The following ACACA variants were observed in gnomAD, a reference collection of about 807,000 sequenced individuals.
ACACA encodes acetyl-CoA carboxylase alpha.
In ACACA, 103 loss-of-function variants were observed where a neutral mutation model predicts 296.1. The observed-to-expected ratio is 0.35, with a 90% CI of 0.30 to 0.41. ACACA has a LOEUF of 0.41. ACACA is among the 10% of genes least tolerant of loss of function. ACACA has a pLI of 1.00. For synonymous variants in ACACA, 953 were observed against 1,038.6 expected, an observed-to-expected ratio of 0.92 and a Z score of 1.58; for missense variants, 1,554 against 2,989.7, an observed-to-expected ratio of 0.52 and a Z score of 11.20.
Position 37,105,402 on chromosome 17 carries a change from G to A in ACACA, c.6565+6129C>T, listed in dbSNP as rs532940067. On this transcript the variant is annotated intron_variant, in intron 52 of 55. Coordinates refer to ENST00000616317, the MANE Select transcript of ACACA (RefSeq NM_198834.3). ...TGAGGCAGGAGAATCGCTTGAACTC[G>A]GGAGGCAGAGGTTGCAGTGAGCCAA... is the stretch of plus-strand genomic sequence containing the variant. Among the ~76,000 whole-genome samples, 6 of 152,130 alleles carry A rather than the reference G, an allele frequency of 3.9e-5. No homozygotes were observed. The South Asian group carries it at 8.3e-4, about 21-fold the overall frequency.
At chr17:37,276,385 C>G (rs570026217) in intron 7 of ACACA, among the ~76,000 whole-genome samples, 1 of 152,256 alleles carries the variant, frequency 6.6e-6, no homozygotes, top group East Asian at 1.9e-4. Flanking sequence ...AAGTCAATAT[C>G]CTGAAATAAG....
At chr17:37,143,486 T>A in intron 45 of ACACA, 1 of 310,682 alleles carries the variant, frequency 3.2e-6, no homozygotes, top group Admixed American at 4.1e-5. Flanking sequence ...TTAGTGGCTA[T>A]GAAAATACCA....
intron 1 of ACACA, among the ~76,000 whole-genome samples, chr17:37,393,713 G>C (rs2050976019): frequency 6.6e-6 from 1 of 151,772 alleles, no homozygotes; most frequent in African/African-American, 2.4e-5. Context: ...ATGCTGGTGC[G>C]CACCTGTAAT....
In ACACA at chr17:37,200,434, G is replaced by A. The variant is rs756439969; in HGVS notation, c.4106C>T (p.Ala1369Val). 2.5e-6 allele frequency: 4 copies of A among 1,612,008 alleles called. No homozygotes were observed. Among genetic ancestry groups the A allele is most frequent in the Admixed American group, 1.7e-5 (1 of 60,022 alleles). Residue 1369 changes from alanine (A) to valine (V), a missense_variant, in exon 34 of 56, where the codon GCA becomes GTA. Coordinates refer to ENST00000616317, the MANE Select transcript of ACACA (RefSeq NM_198834.3). ...HGIRRLTFLVAQKDFRKQVNY... is the reference protein window; with the variant it reads ...HGIRRLTFLVVQKDFRKQVNY... Reference sequence around the variant, plus strand: ...CAATTCACATGTCAGTACCTTTTGTGCAACCAGGAAAGTAAGGCGCCGGAT... The same window carrying A: ...CAATTCACATGTCAGTACCTTTTGTACAACCAGGAAAGTAAGGCGCCGGAT...
At chr17:37,169,399 A>G (rs977979789) in intron 41 of ACACA, among the ~76,000 whole-genome samples, 11 of 152,228 alleles carry the variant, frequency 7.2e-5, no homozygotes, top group Non-Finnish European at 1.6e-4. Flanking sequence ...AGATTGAAAA[A>G]TGCTTCCCTC....
chr17:37,392,470 C>T (rs1057266770), intron 1 of ACACA: 1 of 152,072 alleles, frequency 6.6e-6, no homozygotes, highest in Non-Finnish European at 1.5e-5. Context: ...CAAATCTAAC[C>T]TGCTTAAATA....
chr17:37,276,924 A>AG (rs1213806334), intron 7 of ACACA, 109 bp downstream of exon 7: 2 of 929,332 alleles, frequency 2.2e-6, no homozygotes, highest in African/African-American at 1.6e-5. Context: ...AAAAAAAAAG[A>AG]GAGAGAGAGC....
At chr17:37,329,544 G>A (rs1396371483) in intron 3 of ACACA, among the ~76,000 whole-genome samples, 1 of 151,968 alleles carries the variant, frequency 6.6e-6, no homozygotes, top group Admixed American at 6.6e-5. Context: ...AGGAGGCTGA[G>A]GCAGGAGAAT....
At chr17:37,229,773 G>A (rs961112572) in intron 25 of ACACA, among the ~76,000 whole-genome samples, 1 of 151,460 alleles carries the variant, frequency 6.6e-6, no homozygotes, top group Non-Finnish European at 1.5e-5. Flanking sequence ...ATGGAGATTA[G>A]AAAAAATAAA....
chr17:37,390,490 G>A (rs1230073204), intron 1 of ACACA, among the ~76,000 whole-genome samples: 2 of 147,728 alleles, frequency 1.4e-5, no homozygotes, highest in East Asian at 4.1e-4. Context: ...GGTGGGGCAT[G>A]GTGGTGTGCA....
At chr17:37,133,941 G>A (rs2075220038) in intron 45 of ACACA, among the ~76,000 whole-genome samples, 1 of 152,080 alleles carries the variant, frequency 6.6e-6, no homozygotes, top group Non-Finnish European at 1.5e-5. Flanking sequence ...ATTGAATAAG[G>A]GCTGAATCTG....
chr17:37,283,304 A>G lies in ACACA; in HGVS notation c.573T>C (p.Val191=). 1 of 1,614,148 alleles carries G rather than the reference A, an allele frequency of 6.2e-7. No homozygotes were observed. Among genetic ancestry groups the G allele is most frequent in the South Asian group, 1.1e-5 (1 of 91,078 alleles). ...TAAGGTCTTCAGGTGTGACCATGACAACGAATCTAATTGCACGTTCATTTC... is the reference window on the plus strand; with the variant it reads ...TAAGGTCTTCAGGTGTGACCATGACGACGAATCTAATTGCACGTTCATTTC... ...MFRNERAIRF[V]VMVTPEDLKA... Residue 191 remains valine, a synonymous_variant, in exon 5 of 56, where the codon GTT becomes GTC. Coordinates refer to ENST00000616317, the MANE Select transcript of ACACA (RefSeq NM_198834.3).
intron 1 of ACACA, among the ~76,000 whole-genome samples, chr17:37,361,394 G>C (rs1037248242): frequency 5.9e-5 from 9 of 152,076 alleles, no homozygotes; most frequent in Non-Finnish European, 1.2e-4. Context: ...CAAAACCAGG[G>C]ATTTACCCTC....
At position 37,149,715 on chromosome 17, in the gene ACACA, T is replaced by C. The variant is rs2075959777; in HGVS notation, c.5679+149A>G. 8.6e-6 allele frequency: 6 copies of C among 698,846 alleles called. No individual in the cohort carries two copies. In the Admixed American group the frequency reaches 1.2e-4, roughly 14 times the overall value. The allele number at this position is 698,846 out of a possible 1,614,324, so 43.3% of individuals were successfully genotyped here. A position where few individuals can be genotyped will look rare whatever the true frequency, so the allele number is the denominator to read the frequency against. On this transcript the variant is annotated intron_variant, in intron 45 of 55. Transcript: ENST00000616317. ...ATGAATAAAAAGGCAAGCAAGTCAA[T>C]GGGCAGAAAAGATGGAGGGAGAGGG...
At chr17:37,211,855 A>G (rs1232941891) in intron 29 of ACACA, among the ~76,000 whole-genome samples, 1 of 152,212 alleles carries the variant, frequency 6.6e-6, no homozygotes, top group African/African-American at 2.4e-5. Context: ...TGAGTGCAGA[A>G]ACCTGAACCT....
In ACACA at chr17:37,111,619, C is replaced by T; in HGVS notation, c.6477G>A (p.Gly2159=). 2 of 1,614,116 alleles carry T rather than the reference C, an allele frequency of 1.2e-6. No individual in the cohort carries two copies. The highest frequency in any genetic ancestry group is 1.1e-5 in the South Asian group (1 of 91,082). The change falls in exon 52 of 56, where the codon GGG becomes GGA. Residue 2159 remains glycine (G), a synonymous_variant. Coordinates refer to ENST00000616317, the MANE Select transcript of ACACA (RefSeq NM_198834.3). ...ESRGSVLEPE[G]TVEIKFRRKD... ...TTCTGCGGAATTTGATTTCTACTGT[C>T]CCTTCTGGCTCCAGAACAGATCCCC...
intron 1 of ACACA, chr17:37,369,622 C>CAGAG (rs796831350): frequency 6.6e-6 from 1 of 151,130 alleles, no homozygotes. Flanking sequence ...GGGCAACACA[C>CAGAG]AGAGAGAGAG....
chr17:37,365,618 A>T (rs1258464944), intron 1 of ACACA: 1 of 985,318 alleles, frequency 1.0e-6, no homozygotes, highest in Admixed American at 6.1e-5. Context: ...ATAAGACACA[A>T]AGTCCTTATC....
chr17:37,151,239 A>G, intron 44 of ACACA, 62 bp downstream of exon 44: 1 of 1,604,006 alleles, frequency 6.2e-7, no homozygotes, highest in Admixed American at 1.7e-5. Flanking sequence ...GTGATAAGAG[A>G]AAAAAATAAA....
Sources: allele counts gnomAD v4.1 joint callset (sites outside exome capture counted in the v4.1 genomes callset), GRCh38; gene constraint gnomAD v4.1.1; transcripts MANE v1.5; gene names NCBI Gene and HGNC (gene_info 2026-07-23, HGNC 2026-07-21).